The following ITPRIPL2 variants were observed in gnomAD, a reference collection of about 807,000 sequenced individuals.
ITPRIPL2 encodes ITPRIP like 2.
A neutral mutation model predicts 31.7 loss-of-function variants in ITPRIPL2; 29 were observed. That is an observed-to-expected ratio of 0.91 (90% CI 0.68 to 1.25). The LOEUF (loss-of-function observed/expected upper bound fraction) is 1.25, where lower values mean the gene tolerates loss of function less well. ITPRIPL2 is among the 50% of genes most tolerant of loss of function. The pLI is 0.00. For synonymous variants in ITPRIPL2, 344 were observed against 343.4 expected (o/e 1.00, Z -0.02); for missense variants, 696 against 739.1 (o/e 0.94, Z 0.68).
At position 19,117,966 on chromosome 16, in the gene ITPRIPL2, A is replaced by G. The variant is rs1025801916; in HGVS notation, c.*1897A>G. Reference sequence around the variant, plus strand: ...GGGTCATAAGGTACTGCATTGTGCAAAGAAGTCAGTCTGCTAACTTTATGC... The same window carrying G: ...GGGTCATAAGGTACTGCATTGTGCAGAGAAGTCAGTCTGCTAACTTTATGC... On this transcript the variant is annotated 3_prime_UTR_variant, in exon 1 of 1. Transcript: ENST00000381440. 6.0e-6 allele frequency: 1 copy of G among 167,064 alleles called. No homozygotes were observed. Among genetic ancestry groups the G allele is most frequent in the Non-Finnish European group, 1.5e-5 (1 of 68,118 alleles). The allele number at this position is 167,064 out of a possible 1,614,324, so 10.3% of individuals were successfully genotyped here.
In ITPRIPL2 at chr16:19,116,541, CTG is replaced by C. The variant is rs755868700; in HGVS notation, c.*473_*474del. On this transcript the variant is annotated 3_prime_UTR_variant, in exon 1 of 1. Coordinates refer to ENST00000381440, the MANE Select transcript of ITPRIPL2 (RefSeq NM_001034841.4). ...CCTGATTGTCTTTAAAAAGAAAAAT[CTG>C]AATCTTTATTTGCAACTGGAATTGA... 1 of 170,476 alleles carries C rather than the reference CTG, an allele frequency of 5.9e-6. No homozygotes were observed. Among genetic ancestry groups the C allele is most frequent in the Non-Finnish European group, 1.4e-5 (1 of 70,578 alleles). The allele number at this position is 170,476 out of a possible 1,614,324, so 10.6% of individuals were successfully genotyped here. A position where few individuals can be genotyped will look rare whatever the true frequency, so the allele number is the denominator to read the frequency against.
At position 19,119,140 on chromosome 16, in the gene ITPRIPL2, G is replaced by A. The variant is rs963405585; in HGVS notation, c.*3071G>A. The A allele has an allele frequency of 1.7e-5, 7 of 413,206 alleles. No individual in the cohort carries two copies. The highest frequency in any genetic ancestry group is 2.7e-5 in the Non-Finnish European group (6 of 226,082). The allele number at this position is 413,206 out of a possible 1,614,324, so 25.6% of individuals were successfully genotyped here. On this transcript the variant is annotated 3_prime_UTR_variant, in exon 1 of 1. Coordinates refer to ENST00000381440, the MANE Select transcript of ITPRIPL2 (RefSeq NM_001034841.4). ...TCTTGGGAGCCTTCCTGGAATGATC[G>A]TGGGCTGAGCGGAGATGTTTTTTGC...
At position 19,118,730 on chromosome 16, in the gene ITPRIPL2, A is replaced by G. The variant is rs1963476282; in HGVS notation, c.*2661A>G. On this transcript the variant is annotated 3_prime_UTR_variant, in exon 1 of 1. Transcript: ENST00000381440. Reference sequence around the variant, plus strand: ...GTTTTATTTAAATGCCATGCTGAGCAATTGTTCTCTGTACATGGTAACCAA... The same window carrying G: ...GTTTTATTTAAATGCCATGCTGAGCGATTGTTCTCTGTACATGGTAACCAA... 1 of 372,874 alleles carries G rather than the reference A, an allele frequency of 2.7e-6. No individual in the cohort carries two copies. The highest frequency in any genetic ancestry group is 1.5e-4 in the South Asian group (1 of 6,660). 23.1% of individuals were successfully genotyped at this position (372,874 alleles called of 1,614,324 possible).
Position 19,115,721 on chromosome 16 carries a change from C to T in ITPRIPL2, c.1260C>T (p.Ala420=), listed in dbSNP as rs1209736917. 1.2e-6 allele frequency: 2 copies of T among 1,613,036 alleles called. No homozygotes were observed. Among genetic ancestry groups the T allele is most frequent in the Non-Finnish European group, 1.7e-6 (2 of 1,179,996 alleles). Residue 420 remains alanine, a synonymous_variant, in exon 1 of 1, where the codon GCC becomes GCT. Transcript: ENST00000381440. ...TGGCAGTGCTGCTGCGCAAGGGGGC[C>T]CCTGGGCAAGGCTGGGACGAGGAGC... is the stretch of plus-strand genomic sequence containing the variant. ...VLLAVLLRKG[A]PGQGWDEEHL...
In ITPRIPL2 at chr16:19,115,006, T is replaced by TCC; in HGVS notation, c.547_548dup (p.Pro184ArgfsTer96). 6.3e-7 allele frequency: 1 copy of TCC among 1,598,516 alleles called. No individual in the cohort carries two copies. The highest frequency in any genetic ancestry group is 8.5e-7 in the Non-Finnish European group (1 of 1,179,300). ...TTCGACGTGCTGGTGCCACTGCGCC[T>TCC]CCCGCCGCTTGTGGCGCTGGAGCCA... On this transcript the variant is annotated frameshift_variant, in exon 1 of 1. Transcript: ENST00000381440. LOFTEE classifies it high-confidence loss of function.
Position 19,114,556 on chromosome 16 carries a change from G to A in ITPRIPL2, c.95G>A (p.Gly32Glu). 11 of 1,537,936 alleles carry A rather than the reference G, an allele frequency of 7.2e-6. No homozygotes were observed. The highest frequency in any genetic ancestry group is 7.8e-6 in the Non-Finnish European group (9 of 1,146,644). ...GTGTGCCTCTACCATGTCCTGCGGG[G>A]AAGCGGGGGCGCCCGGGCCGAGCCC... is the stretch of plus-strand genomic sequence containing the variant. ...ALVCLYHVLR[G>E]SGGARAEPAD... Residue 32 changes from glycine to glutamate, a missense_variant, in exon 1 of 1, where the codon GGA becomes GAA. Coordinates refer to ENST00000381440, the MANE Select transcript of ITPRIPL2 (RefSeq NM_001034841.4).
Position 19,114,576 on chromosome 16 carries a change from G to A in ITPRIPL2, c.115G>A (p.Glu39Lys). Residue 39 changes from glutamate to lysine, a missense_variant, in exon 1 of 1, where the codon GAG becomes AAG. By Grantham distance (56) the Glu-to-Lys change is moderately conservative. Transcript: ENST00000381440. ...GCGGGGAAGCGGGGGCGCCCGGGCC[G>A]AGCCCGCCGACGGCGTGGATGGCGG... ...VLRGSGGARAEPADGVDGGFP... is the reference protein window; with the variant it reads ...VLRGSGGARAKPADGVDGGFP... 6.4e-7 allele frequency: 1 copy of A among 1,560,746 alleles called. No individual in the cohort carries two copies. The highest frequency in any genetic ancestry group is 8.6e-7 in the Non-Finnish European group (1 of 1,158,334).
rs1411143847 is a variant in ITPRIPL2, at chr16:19,119,883, C to T, written c.*3814C>T. On this transcript the variant is annotated 3_prime_UTR_variant, in exon 1 of 1. Coordinates refer to ENST00000381440, the MANE Select transcript of ITPRIPL2 (RefSeq NM_001034841.4). Reference sequence around the variant, plus strand: ...CTTCCTGGTGATTTGGGGTAAACTTCTTTGCTCTGTCGGAGTTTGCAGATG... The same window carrying T: ...CTTCCTGGTGATTTGGGGTAAACTTTTTTGCTCTGTCGGAGTTTGCAGATG... 6.0e-6 allele frequency: 1 copy of T among 167,012 alleles called. No homozygotes were observed. The highest frequency in any genetic ancestry group is 1.5e-5 in the Non-Finnish European group (1 of 68,108). The allele number at this position is 167,012 out of a possible 1,614,324, so 10.3% of individuals were successfully genotyped here.
rs1567552790 is a variant in ITPRIPL2 at position 19,120,627 on chromosome 16, T to TATATATATATATATATATA, written c.*4558_*4559insATATATATATATATATATA. ...AATATATATATATATATATATATAT[T>TATATATATATATATATATA]TTTTTTTTTTTTTTTTAGTAGAGAT... On this transcript the variant is annotated 3_prime_UTR_variant, in exon 1 of 1. Transcript: ENST00000381440. The TATATATATATATATATATA allele has an allele frequency of 2.6e-5, 2 of 77,944 alleles. No individual in the cohort carries two copies. The highest frequency in any genetic ancestry group is 1.4e-4 in the Admixed American group (1 of 7,280). 4.8% of individuals were successfully genotyped at this position (77,944 alleles called of 1,614,324 possible).
rs182876900 is a variant in ITPRIPL2 at position 19,119,092 on chromosome 16, C to T, written c.*3023C>T. 1 of 413,368 alleles carries T rather than the reference C, an allele frequency of 2.4e-6. No homozygotes were observed. The highest frequency in any genetic ancestry group is 2.1e-5 in the African/African-American group (1 of 48,624). The allele number at this position is 413,368 out of a possible 1,614,324, so 25.6% of individuals were successfully genotyped here. On this transcript the variant is annotated 3_prime_UTR_variant, in exon 1 of 1. Coordinates refer to ENST00000381440, the MANE Select transcript of ITPRIPL2 (RefSeq NM_001034841.4). The stretch of plus-strand genomic sequence containing the variant: ...CTCAGTCATTTTGTGGCGAGACACC[C>T]TTTGGTAACTCCCACTGACCAGTCT...
At position 19,119,227 on chromosome 16, in the gene ITPRIPL2, TGGGGAAG is replaced by T. The variant is rs936817145; in HGVS notation, c.*3160_*3166del. The T allele has an allele frequency of 2.2e-4, 91 of 410,206 alleles. No individual in the cohort carries two copies. Among genetic ancestry groups the T allele is most frequent in the Admixed American group, 1.2e-3 (28 of 22,638 alleles). The allele number at this position is 410,206 out of a possible 1,614,324, so 25.4% of individuals were successfully genotyped here. On this transcript the variant is annotated 3_prime_UTR_variant, in exon 1 of 1. Transcript: ENST00000381440. ...GTGAACCAAGAGAAATCCAAAGACC[TGGGGAAG>T]GAGGACTTAAGATGAAAGTGAAGCA... is the stretch of plus-strand genomic sequence containing the variant.
At position 19,116,227 on chromosome 16, in the gene ITPRIPL2, G is replaced by T; in HGVS notation, c.*158G>T. On this transcript the variant is annotated 3_prime_UTR_variant, in exon 1 of 1. Transcript: ENST00000381440. The stretch of plus-strand genomic sequence containing the variant: ...TTAGTGGCTTAAATATCACCTTCTC[G>T]CTTCACAGTCCAGTATAATATGACA... 2 of 676,568 alleles carry T rather than the reference G, an allele frequency of 3.0e-6. No individual in the cohort carries two copies. Among genetic ancestry groups the T allele is most frequent in the South Asian group, 4.0e-5 (2 of 50,174 alleles). The allele number at this position is 676,568 out of a possible 1,614,324, so 41.9% of individuals were successfully genotyped here.
At position 19,114,713 on chromosome 16, in the gene ITPRIPL2, C is replaced by G. The variant is rs758275782; in HGVS notation, c.252C>G (p.His84Gln). The stretch of plus-strand genomic sequence containing the variant: ...CCGGGTCTCCCCGTCTGGAGGGTCA[C>G]GCCGCCTTCTCCTCGAGACACTTCC... ...FLPGSPRLEG[H>Q]AAFSSRHFRE... is the part of the protein sequence containing the mutation. The change falls in exon 1 of 1, where the codon CAC (histidine) becomes CAG (glutamine). Residue 84 changes from histidine to glutamine, a missense_variant. His to Gln is a conservative substitution (Grantham distance 24). Coordinates refer to ENST00000381440, the MANE Select transcript of ITPRIPL2 (RefSeq NM_001034841.4). 1.9e-6 allele frequency: 3 copies of G among 1,612,712 alleles called. 1 individual carries two copies. Among genetic ancestry groups the G allele is most frequent in the South Asian group, 2.2e-5 (2 of 91,058 alleles).
chr16:19,114,167 G>A lies in ITPRIPL2; in HGVS notation c.-295G>A, dbSNP rs549352517. 105 of 348,428 alleles carry A rather than the reference G, an allele frequency of 3.0e-4. No individual in the cohort carries two copies. Among genetic ancestry groups the A allele is most frequent in the African/African-American group, 2.1e-3 (100 of 46,774 alleles). The allele number at this position is 348,428 out of a possible 1,614,324, so 21.6% of individuals were successfully genotyped here. ...CCGGGCCAGAAGCTGGCCGACGGCG[G>A]CGCGCGGGGGCGCCGGGCGGGGAGG... On this transcript the variant is annotated 5_prime_UTR_variant, in exon 1 of 1. Transcript: ENST00000381440.
At position 19,114,143 on chromosome 16, in the gene ITPRIPL2, C is replaced by T. The variant is rs1567550355; in HGVS notation, c.-319C>T. The T allele has an allele frequency of 1.3e-5, 5 of 382,102 alleles. No homozygotes were observed. The highest frequency in any genetic ancestry group is 4.2e-5 in the African/African-American group (2 of 47,932). 23.7% of individuals were successfully genotyped at this position (382,102 alleles called of 1,614,324 possible). A position where few individuals can be genotyped will look rare whatever the true frequency, so the allele number is the denominator to read the frequency against. ...GCCCAGGGTAGGAGGCGAGCCAGGC[C>T]GGGCCAGAAGCTGGCCGACGGCGGC... On this transcript the variant is annotated 5_prime_UTR_variant, in exon 1 of 1. Coordinates refer to ENST00000381440, the MANE Select transcript of ITPRIPL2 (RefSeq NM_001034841.4).
Position 19,114,395 on chromosome 16 carries a change from T to C in ITPRIPL2, c.-67T>C. The C allele has an allele frequency of 8.2e-7, 1 of 1,218,802 alleles. No individual in the cohort carries two copies. Among genetic ancestry groups the C allele is most frequent in the Non-Finnish European group, 1.0e-6 (1 of 962,016 alleles). The allele number at this position is 1,218,802 out of a possible 1,614,324, so 75.5% of individuals were successfully genotyped here. On this transcript the variant is annotated 5_prime_UTR_variant, in exon 1 of 1. Coordinates refer to ENST00000381440, the MANE Select transcript of ITPRIPL2 (RefSeq NM_001034841.4). ...GGCTGCCCGGGCGCTGTGCGCATGC[T>C]GGGCTTGGGTCGCCGCCGGGGCTTG...
Position 19,114,402 on chromosome 16 carries a change from G to A in ITPRIPL2, c.-60G>A. ...CGGGCGCTGTGCGCATGCTGGGCTTGGGTCGCCGCCGGGGCTTGCCCCCTG... is the reference window on the plus strand; with the variant it reads ...CGGGCGCTGTGCGCATGCTGGGCTTAGGTCGCCGCCGGGGCTTGCCCCCTG... On this transcript the variant is annotated 5_prime_UTR_variant, in exon 1 of 1. Transcript: ENST00000381440. 1.6e-6 allele frequency: 2 copies of A among 1,260,328 alleles called. No homozygotes were observed. The highest frequency in any genetic ancestry group is 2.0e-6 in the Non-Finnish European group (2 of 994,192). The allele number at this position is 1,260,328 out of a possible 1,614,324, so 78.1% of individuals were successfully genotyped here.
At position 19,117,004 on chromosome 16, in the gene ITPRIPL2, A is replaced by AATC. The variant is rs977372774; in HGVS notation, c.*936_*937insTCA. On this transcript the variant is annotated 3_prime_UTR_variant, in exon 1 of 1. Transcript: ENST00000381440. ...ATACATATTCAAGACAACACTGGTG[A>AATC]AGGCATAAAACATGTTGGCTTTGGA... 5 of 167,166 alleles carry AATC rather than the reference A, an allele frequency of 3.0e-5. No individual in the cohort carries two copies. Among genetic ancestry groups the AATC allele is most frequent in the African/African-American group, 1.2e-4 (5 of 41,480 alleles). 10.4% of individuals were successfully genotyped at this position (167,166 alleles called of 1,614,324 possible).
chr16:19,115,241 G>A lies in ITPRIPL2; in HGVS notation c.780G>A (p.Gln260=). ...TGCGCTGGTTCCAGTCGCATCTGCA[G>A]CGCTCCTTGGCCACTGTGCGTTACA... ...LVLRWFQSHL[Q]RSLATVRYSL... Residue 260 remains glutamine (Q), a synonymous_variant, in exon 1 of 1, where the codon CAG becomes CAA. Transcript: ENST00000381440. The A allele has an allele frequency of 6.2e-7, 1 of 1,611,186 alleles. No homozygotes were observed. The highest frequency in any genetic ancestry group is 8.5e-7 in the Non-Finnish European group (1 of 1,180,022).
Sources: gnomAD v4.1 joint callset for allele counts on GRCh38, gnomAD v4.1.1 for gene constraint, MANE v1.5 for transcripts, NCBI Gene and HGNC (gene_info 2026-07-23, HGNC 2026-07-21) for gene names.